Variants in MICU3 observed in about 807,000 individuals in gnomAD.
MICU3 encodes calcium uptake protein 3, mitochondrial.
A neutral mutation model predicts 66.5 loss-of-function variants in MICU3; 62 were observed. The ratio of observed to expected loss-of-function variants is 0.93; its 90% CI spans 0.76 to 1.15. MICU3 has a LOEUF of 1.15. MICU3 is among the 50% of genes most tolerant of loss of function. The probability of loss-of-function intolerance (pLI) is 0.00; values close to 1 mark genes in which losing one functional copy is unlikely to be tolerated. For synonymous variants in MICU3, 308 were observed against 240.7 expected (o/e 1.28, Z -2.59); for missense variants, 779 against 664.4 (o/e 1.17, Z -1.90).
At chr8:17,062,839 A>G (rs1042811739) in intron 1 of MICU3, among the ~76,000 whole-genome samples, 1 of 151,592 alleles carries the variant, frequency 6.6e-6, no homozygotes, top group East Asian at 1.9e-4. Flanking sequence ...AGATCATGCC[A>G]CTGTACTCCA....
intron 2 of MICU3, among the ~76,000 whole-genome samples, chr8:17,066,544 T>TATAGA (rs1491234403): frequency 0.013 from 808 of 61,396 alleles, 3 homozygotes; most frequent in East Asian, 0.024. Context: ...TATATATAGA[T>TATAGA]TTTTTTTTTT....
chr8:17,137,705 C>CTTTTTTTTTTTTTTTTTTTTTTTTTTTTT, the MICU3 span, among the ~76,000 whole-genome samples: 1 of 102,884 alleles, frequency 9.7e-6, no homozygotes, highest in African/African-American at 3.3e-5. Flanking sequence ...TTTTCTTTTC[C>CTTTTTTTTTTTTTTTTTTTTTTTTTTTTT]TTTTTTTTTT....
At chr8:17,045,802 G>C (rs1481840815) in intron 1 of MICU3, among the ~76,000 whole-genome samples, 2 of 152,176 alleles carry the variant, frequency 1.3e-5, no homozygotes, top group Non-Finnish European at 1.5e-5. Context: ...ATCTTACATG[G>C]AGGCAGACAA....
the MICU3 span, among the ~76,000 whole-genome samples, chr8:17,127,734 C>CAT: frequency 6.6e-6 from 1 of 152,094 alleles, no homozygotes; most frequent in East Asian, 1.9e-4. Context: ...AGCAAATTAA[C>CAT]ATATGTGTTT....
chr8:17,137,024 G>A, the MICU3 span, among the ~76,000 whole-genome samples: 1,519 of 151,882 alleles, frequency 0.01, 36 homozygotes, highest in African/African-American at 0.034. Context: ...TAGTAGAAAC[G>A]GGGTTTCACC....
chr8:17,130,481 T>A, the MICU3 span, among the ~76,000 whole-genome samples: 1 of 151,450 alleles, frequency 6.6e-6, no homozygotes, highest in Non-Finnish European at 1.5e-5. Flanking sequence ...ATCGCACCAT[T>A]GCACTGCAGC....
At chr8:17,114,307 G>T in intron 12 of MICU3, 106 bp downstream of exon 12, 1 of 659,646 alleles carries the variant, frequency 1.5e-6, no homozygotes, top group African/African-American at 1.8e-5. Flanking sequence ...ATCAACTTGT[G>T]TGAAAGTCCG....
At chr8:17,101,776 C>T (rs1291816237) in intron 9 of MICU3, among the ~76,000 whole-genome samples, 1 of 151,728 alleles carries the variant, frequency 6.6e-6, no homozygotes, top group Admixed American at 6.6e-5. Flanking sequence ...GTAATTTCAA[C>T]AGCAAAAAAG....
chr8:17,119,907 A>G (rs1390832984), intron 14 of MICU3, among the ~76,000 whole-genome samples: 1 of 152,176 alleles, frequency 6.6e-6, no homozygotes, highest in Non-Finnish European at 1.5e-5. Flanking sequence ...AGGTCTTCCT[A>G]ATCTCCATTT....
chr8:17,075,719 T>C (rs982517319), intron 3 of MICU3, among the ~76,000 whole-genome samples: 1 of 152,218 alleles, frequency 6.6e-6, no homozygotes, highest in African/African-American at 2.4e-5. Flanking sequence ...CTGGGCTCTG[T>C]CATTTATTAG....
intron 4 of MICU3, 66 bp downstream of exon 4, chr8:17,077,927 T>C: frequency 6.4e-6 from 6 of 937,826 alleles, no homozygotes; most frequent in Non-Finnish European, 9.4e-6. Context: ...TATATGCATA[T>C]TTTCCCATAC....
chr8:17,057,671 A>T (rs1281931387), intron 1 of MICU3, among the ~76,000 whole-genome samples: 1 of 152,100 alleles, frequency 6.6e-6, no homozygotes, highest in South Asian at 2.1e-4. Context: ...CTCCTACATT[A>T]CCACTTTTGA....
intron 9 of MICU3, among the ~76,000 whole-genome samples, chr8:17,101,223 T>A (rs1485580397): frequency 1.3e-5 from 2 of 151,824 alleles, no homozygotes; most frequent in Admixed American, 6.6e-5. Context: ...GGTTCTTTGG[T>A]GGCTTTTTCT....
At chr8:17,057,702 TA>T (rs1243234264) in intron 1 of MICU3, among the ~76,000 whole-genome samples, 1 of 152,206 alleles carries the variant, frequency 6.6e-6, no homozygotes, top group Non-Finnish European at 1.5e-5. Context: ...TTAAAGTATG[TA>T]ACACTGAATT....
chr8:17,131,257 G>A, the MICU3 span: 3 of 152,240 alleles, frequency 2.0e-5, no homozygotes, highest in Non-Finnish European at 2.9e-5. Context: ...TCCCAATATA[G>A]AGCTTTCCCC....
At chr8:17,077,416 A>T (rs1404693752) in intron 3 of MICU3, among the ~76,000 whole-genome samples, 3 of 152,320 alleles carry the variant, frequency 2.0e-5, no homozygotes, top group African/African-American at 7.2e-5. Flanking sequence ...CGACCTTGAT[A>T]TGGAAATCCA....
Position 17,086,972 on chromosome 8 carries a change from G to C in MICU3, c.786G>C (p.Glu262Asp), listed in dbSNP as rs1284632926. 6.3e-7 allele frequency: 1 copy of C among 1,598,324 alleles called. No homozygotes were observed. Among genetic ancestry groups the C allele is most frequent in the Admixed American group, 1.7e-5 (1 of 59,662 alleles). The change falls in exon 7 of 15, where the codon GAG (glutamate) becomes GAC (aspartate). Residue 262 changes from glutamate to aspartate, a missense_variant. Physicochemically the swap from Glu to Asp is conservative, Grantham distance 45. Coordinates refer to ENST00000318063, the MANE Select transcript of MICU3 (RefSeq NM_181723.3). ...VDKKEFLVLQ[E>D]IFRKKNEKRE... Reference sequence around the variant, plus strand: ...ATTGATTTCTTTGTCAGCTTCAAGAGATATTCAGGAAAAAAAATGAAAAGA... The same window carrying C: ...ATTGATTTCTTTGTCAGCTTCAAGACATATTCAGGAAAAAAAATGAAAAGA...
chr8:17,092,365 A>G (rs748222946), intron 8 of MICU3, among the ~76,000 whole-genome samples: 1 of 152,098 alleles, frequency 6.6e-6, no homozygotes, highest in Non-Finnish European at 1.5e-5. Context: ...TCTAGTTTAA[A>G]CTACATATGC....
At chr8:17,040,801 C>A (rs1434803726) in intron 1 of MICU3, among the ~76,000 whole-genome samples, 1 of 152,056 alleles carries the variant, frequency 6.6e-6, no homozygotes, top group Non-Finnish European at 1.5e-5. Context: ...ATTTCAGTTA[C>A]CAGTGACCAA....
Sources: gnomAD v4.1 joint callset for allele counts (sites outside exome capture counted in the v4.1 genomes callset) on GRCh38, gnomAD v4.1.1 for gene constraint, MANE v1.5 for transcripts, NCBI Gene and HGNC (gene_info 2026-07-23, HGNC 2026-07-21) for gene names.